CCDC6: variants seen among roughly 807,000 people sequenced by gnomAD.
CCDC6 encodes the protein coiled-coil domain containing 6, also known as coiled-coil domain-containing protein 6.
Under a neutral mutation model 56.6 loss-of-function variants are expected in CCDC6, and 20 were observed. The ratio of observed to expected loss-of-function variants is 0.35; its 90% CI spans 0.25 to 0.51. The LOEUF is 0.51. Among genes scored for constraint, CCDC6 ranks in the 20% least tolerant of loss-of-function variants. CCDC6 has a pLI of 0.95. For synonymous variants in CCDC6, 241 were observed against 234.4 expected, an observed-to-expected ratio of 1.03 and a Z score of -0.26; for missense variants, 367 against 601.1, an observed-to-expected ratio of 0.61 and a Z score of 4.07.
chr10:59,799,903 G>A (rs747778487), intron 7 of CCDC6, among the ~76,000 whole-genome samples: 1 of 152,182 alleles, frequency 6.6e-6, no homozygotes, highest in African/African-American at 2.4e-5. Context: ...GATGAAAGGA[G>A]ATAATATCAC....
intron 1 of CCDC6, among the ~76,000 whole-genome samples, chr10:59,861,973 A>G (rs920453417): frequency 9.8e-5 from 15 of 152,308 alleles, no homozygotes; most frequent in Middle Eastern, 3.4e-3. Flanking sequence ...AGAAAGTCCC[A>G]GTCAGGATAA....
In CCDC6 at chr10:59,838,371, A is replaced by C. The variant is rs140490913; in HGVS notation, c.454-5718T>G. ...GTCCACTGTAGATCATCCTAGCACA[A>C]GTCCTATTACTTCAATGTCCTGCTC... On this transcript the variant is annotated intron_variant, in intron 2 of 8. Coordinates refer to ENST00000263102, the MANE Select transcript of CCDC6 (RefSeq NM_005436.5). Among the ~76,000 whole-genome samples the C allele has an allele frequency of 2.6e-5, 4 of 152,210 alleles. No individual in the cohort carries two copies. The East Asian group carries it at 5.8e-4, about 22-fold the overall frequency.
At chr10:59,868,090 T>C (rs1194858314) in intron 1 of CCDC6, among the ~76,000 whole-genome samples, 4 of 152,106 alleles carry the variant, frequency 2.6e-5, no homozygotes, top group African/African-American at 9.7e-5. Flanking sequence ...ACTTTCTAAA[T>C]TGATTGAGAC....
At chr10:59,863,405 T>C (rs1007715122) in intron 1 of CCDC6, among the ~76,000 whole-genome samples, 1 of 152,222 alleles carries the variant, frequency 6.6e-6, no homozygotes, top group Non-Finnish European at 1.5e-5. Context: ...AATTCATAGA[T>C]GTTACAATAC....
chr10:59,874,118 A>ACACAC (rs142308836), intron 1 of CCDC6, among the ~76,000 whole-genome samples: 2 of 148,576 alleles, frequency 1.3e-5, no homozygotes, highest in Non-Finnish European at 3.0e-5. Flanking sequence ...TTACCTAGCA[A>ACACAC]ACACACACAC....
Position 59,858,382 on chromosome 10 carries a change from T to C in CCDC6, c.304-5680A>G, listed in dbSNP as rs564026944. Among the ~76,000 whole-genome samples, 9 of 152,294 alleles carry C rather than the reference T, an allele frequency of 5.9e-5. No individual in the cohort carries two copies. In the South Asian group the frequency reaches 1.7e-3, roughly 28 times the overall value. On this transcript the variant is annotated intron_variant, in intron 1 of 8. Transcript: ENST00000263102. ...TCCAGTATTGCCAGCAAGTCACTAA[T>C]ATATACAGGGATTGGAGCAGAATCA...
chr10:59,900,895 C>T (rs2132688924), intron 1 of CCDC6, among the ~76,000 whole-genome samples: 1 of 152,132 alleles, frequency 6.6e-6, no homozygotes, highest in East Asian at 1.9e-4. Flanking sequence ...ACCACCTCCA[C>T]TAAAAATACA....
At chr10:59,866,512 T>C (rs1177946534) in intron 1 of CCDC6, among the ~76,000 whole-genome samples, 4 of 152,208 alleles carry the variant, frequency 2.6e-5, no homozygotes, top group East Asian at 3.8e-4. Context: ...TGGACAATCA[T>C]CCTTGATAAT....
chr10:59,896,703 G>A (rs2071466692), intron 1 of CCDC6, among the ~76,000 whole-genome samples: 1 of 152,150 alleles, frequency 6.6e-6, no homozygotes. Flanking sequence ...TGTTTAATGG[G>A]TACAGAGTTT....
At chr10:59,796,950 G>A (rs533232783) in intron 7 of CCDC6, among the ~76,000 whole-genome samples, 23 of 142,618 alleles carry the variant, frequency 1.6e-4, no homozygotes, top group Non-Finnish European at 2.3e-4. Flanking sequence ...CAGCCTGGGC[G>A]ACAGAGCCAG....
chr10:59,903,120 G>A (rs910484054), intron 1 of CCDC6, among the ~76,000 whole-genome samples: 1 of 152,128 alleles, frequency 6.6e-6, no homozygotes, highest in Non-Finnish European at 1.5e-5. Flanking sequence ...ACTAAGGAGA[G>A]AGTAAAAAAA....
chr10:59,849,356 T>A (rs1430090289), intron 2 of CCDC6, among the ~76,000 whole-genome samples: 1 of 152,230 alleles, frequency 6.6e-6, no homozygotes, highest in Non-Finnish European at 1.5e-5. Flanking sequence ...TTGGTGAGGA[T>A]GAACACATAT....
intron 2 of CCDC6, among the ~76,000 whole-genome samples, chr10:59,850,298 G>A (rs759640236): frequency 2.0e-5 from 3 of 152,078 alleles, no homozygotes; most frequent in Non-Finnish European, 4.4e-5. Flanking sequence ...AATGCTTAAC[G>A]CCACCAAATT....
At chr10:59,860,956 A>G (rs1374724733) in intron 1 of CCDC6, among the ~76,000 whole-genome samples, 1 of 152,064 alleles carries the variant, frequency 6.6e-6, no homozygotes, top group Non-Finnish European at 1.5e-5. Flanking sequence ...GCACTTTGGG[A>G]GGGCAAGTTG....
intron 3 of CCDC6, among the ~76,000 whole-genome samples, chr10:59,826,756 G>T (rs763895435): frequency 3.3e-4 from 50 of 152,316 alleles, no homozygotes; most frequent in South Asian, 1.0e-3. Flanking sequence ...TGAAGAGACA[G>T]ATAACCAGTT....
intron 2 of CCDC6, among the ~76,000 whole-genome samples, chr10:59,838,129 C>T (rs1335642038): frequency 6.6e-6 from 1 of 152,008 alleles, no homozygotes; most frequent in Non-Finnish European, 1.5e-5. Context: ...ACACTTATTC[C>T]CACCTCCTCC....
intron 8 of CCDC6, among the ~76,000 whole-genome samples, chr10:59,793,604 C>G (rs1210200772): frequency 6.6e-6 from 1 of 152,040 alleles, no homozygotes. Context: ...GCCAACAGGG[C>G]AAAACCCCGT....
intron 1 of CCDC6, among the ~76,000 whole-genome samples, chr10:59,864,774 G>A (rs2071163001): frequency 6.6e-6 from 1 of 152,102 alleles, no homozygotes; most frequent in Admixed American, 6.5e-5. Flanking sequence ...CAAGGGATAG[G>A]AAACAGACTC....
At chr10:59,842,923 G>A (rs1438966250) in intron 2 of CCDC6, among the ~76,000 whole-genome samples, 1 of 151,866 alleles carries the variant, frequency 6.6e-6, no homozygotes, top group East Asian at 1.9e-4. Flanking sequence ...CCGGCTAATT[G>A]CTTGTATTTT....
Sources: gnomAD v4.1 joint callset for allele counts (sites outside exome capture counted in the v4.1 genomes callset) on GRCh38, gnomAD v4.1.1 for gene constraint, MANE v1.5 for transcripts, NCBI Gene and HGNC (gene_info 2026-07-23, HGNC 2026-07-21) for gene names.